The following DPYSL2 variants were observed in gnomAD, a reference collection of about 807,000 sequenced individuals.
DPYSL2 encodes the protein dihydropyrimidinase-related protein 2.
In DPYSL2, 13 loss-of-function variants were observed where a neutral mutation model predicts 69.9. That is an observed-to-expected ratio of 0.19 (90% CI 0.12 to 0.30). DPYSL2 has a LOEUF of 0.30. DPYSL2 is among the 10% of genes least tolerant of loss of function. The probability of loss-of-function intolerance (pLI) is 1.00; values close to 1 mark genes in which losing one functional copy is unlikely to be tolerated. For synonymous variants in DPYSL2, 326 were observed against 359.1 expected, an observed-to-expected ratio of 0.91 and a Z score of 1.04; for missense variants, 587 against 918.9, an observed-to-expected ratio of 0.64 and a Z score of 4.67.
At chr8:26,566,513 G>A (rs568642393) in intron 1 of DPYSL2, among the ~76,000 whole-genome samples, 55 of 152,306 alleles carry the variant, frequency 3.6e-4, no homozygotes, top group Non-Finnish European at 6.0e-4. Context: ...ACTGAACAGA[G>A]TGTGGTTGAC....
intron 3 of DPYSL2, among the ~76,000 whole-genome samples, chr8:26,589,081 C>T (rs917587737): frequency 6.6e-6 from 1 of 152,092 alleles, no homozygotes; most frequent in Admixed American, 6.5e-5. Flanking sequence ...CCTTCAGTGA[C>T]TCCCTCTTGC....
In DPYSL2 at chr8:26,629,330, A is replaced by C. The variant is rs547876918; in HGVS notation, c.1005+1390A>C. Among the ~76,000 whole-genome samples the C allele has an allele frequency of 3.3e-5, 5 of 151,822 alleles. No individual in the cohort carries two copies. The East Asian group carries it at 9.6e-4, about 29-fold the overall frequency. Reference sequence around the variant, plus strand: ...CACCTACACACACACACATACACATAGACACACAGACACATACAGACACAG... The same window carrying C: ...CACCTACACACACACACATACACATCGACACACAGACACATACAGACACAG... On this transcript the variant is annotated intron_variant, in intron 7 of 13. Coordinates refer to ENST00000521913, the MANE Select transcript of DPYSL2 (RefSeq NM_001197293.3).
chr8:26,651,593 T>C (rs1480932214), intron 11 of DPYSL2, among the ~76,000 whole-genome samples: 1 of 152,176 alleles, frequency 6.6e-6, no homozygotes, highest in African/African-American at 2.4e-5. Context: ...TGTTGCTTCA[T>C]TACCAACCAC....
chr8:26,529,295 CT>C (rs34576361), intron 1 of DPYSL2, among the ~76,000 whole-genome samples: 56 of 146,314 alleles, frequency 3.8e-4, no homozygotes, highest in African/African-American at 1.2e-3. Flanking sequence ...ATCTATCTAT[CT>C]ATCTATCATC....
rs909070422 is a variant in DPYSL2, at chr8:26,610,348, G to A, written c.629-13795G>A. Among the ~76,000 whole-genome samples, 1 of 152,230 alleles carries A rather than the reference G, an allele frequency of 6.6e-6. No individual in the cohort carries two copies. The highest frequency in any genetic ancestry group is 1.5e-5 in the Non-Finnish European group (1 of 68,038). ...TGATAGGAAGGTTGTTTACATCACAGTGTCCTGTATTTGGGGGCTGCCCTG... is the reference window on the plus strand; with the variant it reads ...TGATAGGAAGGTTGTTTACATCACAATGTCCTGTATTTGGGGGCTGCCCTG... On this transcript the variant is annotated intron_variant, in intron 3 of 13. Coordinates refer to ENST00000521913, the MANE Select transcript of DPYSL2 (RefSeq NM_001197293.3). This position sits in a 1 kb window ranked among gnomAD's most constrained non-coding sequence, Gnocchi z 4.5.
intron 3 of DPYSL2, among the ~76,000 whole-genome samples, chr8:26,618,883 A>G (rs59800763): frequency 0.85 from 128,730 of 151,828 alleles, 54,728 homozygotes; most frequent in Non-Finnish European, 0.86. Flanking sequence ...GCTCGAACCC[A>G]GGAGGCGGAG....
intron 1 of DPYSL2, among the ~76,000 whole-genome samples, chr8:26,543,591 G>A (rs572235954): frequency 4.6e-5 from 7 of 151,920 alleles, no homozygotes; most frequent in African/African-American, 7.2e-5. Context: ...GGGTTCAAGC[G>A]ATTCTCCTGC....
rs778281952 is a variant in DPYSL2 at position 26,624,728 on chromosome 8, A to T, written c.793+421A>T. 1.8e-4 allele frequency among the ~76,000 whole-genome samples: 27 copies of T among 152,160 alleles called. No individual in the cohort carries two copies. The highest frequency in any genetic ancestry group is 3.1e-4 in the Non-Finnish European group (21 of 68,020). On this transcript the variant is annotated intron_variant, in intron 4 of 13. Transcript: ENST00000521913. This position sits in a 1 kb window ranked among gnomAD's most constrained non-coding sequence, Gnocchi z 4.7. ...GGGCAGCCCCTTCCTACAAACCTGG[A>T]TGGATCTAGGATAGATTTGAGGGCT... is the stretch of plus-strand genomic sequence containing the variant.
intron 1 of DPYSL2, among the ~76,000 whole-genome samples, chr8:26,553,667 T>C (rs1800902175): frequency 6.6e-6 from 1 of 152,162 alleles, no homozygotes. Context: ...CTATTTTGAA[T>C]AGTGCTGCAA....
rs148205571 is a variant in DPYSL2, at chr8:26,617,740, C to T, written c.629-6403C>T. 1.3e-3 allele frequency among the ~76,000 whole-genome samples: 203 copies of T among 152,250 alleles called. 3 individuals carry two copies. The highest frequency in any genetic ancestry group is 4.7e-3 in the African/African-American group (194 of 41,542). On this transcript the variant is annotated intron_variant, in intron 3 of 13. Transcript: ENST00000521913. The surrounding 1 kb of genome is among the most constrained non-coding windows in gnomAD (Gnocchi z 4.7). ...ATGATGCCAAGTGAAAGCAGACAGA[C>T]GCACAAGACTACATCTTTTATGATT...
chr8:26,589,877 C>G (rs1302040842), intron 3 of DPYSL2, among the ~76,000 whole-genome samples: 1 of 152,238 alleles, frequency 6.6e-6, no homozygotes, highest in Non-Finnish European at 1.5e-5. Context: ...ACCCAGCAGT[C>G]ATTCCCCCAG....
At position 26,597,887 on chromosome 8, in the gene DPYSL2, G is replaced by A. The variant is rs77586745; in HGVS notation, c.628+13904G>A. Among the ~76,000 whole-genome samples the A allele has an allele frequency of 0.014, 2,055 of 151,922 alleles. 26 individuals carry two copies. The highest frequency in any genetic ancestry group is 0.068 in the Middle Eastern group (20 of 292). On this transcript the variant is annotated intron_variant, in intron 3 of 13. Transcript: ENST00000521913. This position sits in a 1 kb window ranked among gnomAD's most constrained non-coding sequence, Gnocchi z 5.2. The stretch of plus-strand genomic sequence containing the variant: ...TTTTCTCCTTTATGGAGATAATCCA[G>A]GGAGAAACATGAAGTGTAATGGAAA...
At position 26,597,587 on chromosome 8, in the gene DPYSL2, G is replaced by T. The variant is rs1169409248; in HGVS notation, c.628+13604G>T. ...CCTCCCAGGTTCACGCCATTCTCCT[G>T]CCTCAGCCTCCCAAGTAGCTGGGAC... On this transcript the variant is annotated intron_variant, in intron 3 of 13. Coordinates refer to ENST00000521913, the MANE Select transcript of DPYSL2 (RefSeq NM_001197293.3). This position sits in a 1 kb window ranked among gnomAD's most constrained non-coding sequence, Gnocchi z 5.2. Among the ~76,000 whole-genome samples the T allele has an allele frequency of 6.6e-6, 1 of 151,980 alleles. No individual in the cohort carries two copies. Among genetic ancestry groups the T allele is most frequent in the South Asian group, 2.1e-4 (1 of 4,828 alleles).
rs1801570886 is a variant in DPYSL2 at position 26,585,096 on chromosome 8, A to T, written c.628+1113A>T. Among the ~76,000 whole-genome samples, 2 of 152,152 alleles carry T rather than the reference A, an allele frequency of 1.3e-5. No homozygotes were observed. The highest frequency in any genetic ancestry group is 4.1e-4 in the South Asian group (2 of 4,824). ...GGCAAGCTGCATAGTGGCCCGTCAG[A>T]TACATATTTTAAAAAACAGATTGCA... On this transcript the variant is annotated intron_variant, in intron 3 of 13. Coordinates refer to ENST00000521913, the MANE Select transcript of DPYSL2 (RefSeq NM_001197293.3). The surrounding 1 kb of genome is among the most constrained non-coding windows in gnomAD (Gnocchi z 4.0).
chr8:26,596,378 AG>A (rs1204913011), intron 3 of DPYSL2, among the ~76,000 whole-genome samples: 1 of 152,202 alleles, frequency 6.6e-6, no homozygotes, highest in African/African-American at 2.4e-5. Context: ...GGGCTGTCCT[AG>A]GCAAACCCAG....
At position 26,619,284 on chromosome 8, in the gene DPYSL2, A is replaced by G. The variant is rs1585550972; in HGVS notation, c.629-4859A>G. 2.0e-5 allele frequency among the ~76,000 whole-genome samples: 3 copies of G among 152,202 alleles called. No homozygotes were observed. The South Asian group carries it at 6.2e-4, about 31-fold the overall frequency. Reference sequence around the variant, plus strand: ...CTCTTCCCAGGAGAGCTTCAGTGGAAAGAAAACTGTGGGAAAACATTTGGA... The same window carrying G: ...CTCTTCCCAGGAGAGCTTCAGTGGAGAGAAAACTGTGGGAAAACATTTGGA... On this transcript the variant is annotated intron_variant, in intron 3 of 13. Transcript: ENST00000521913. The surrounding 1 kb of genome is among the most constrained non-coding windows in gnomAD (Gnocchi z 4.8).
Position 26,518,107 on chromosome 8 carries a change from C to T in DPYSL2, c.354+3428C>T, listed in dbSNP as rs147771432. ...ATTCCAATGATTAAAGCCATCTGCT[C>T]CTCAGGCAAACAACTGATGCCCAAG... On this transcript the variant is annotated intron_variant, in intron 1 of 13. Coordinates refer to ENST00000521913, the MANE Select transcript of DPYSL2 (RefSeq NM_001197293.3). Among the ~76,000 whole-genome samples the T allele has an allele frequency of 6.8e-3, 1,034 of 152,332 alleles. 7 individuals are homozygous for T. Among genetic ancestry groups the T allele is most frequent in the Non-Finnish European group, 0.011 (752 of 68,040 alleles).
At chr8:26,596,973 G>A (rs1191236993) in intron 3 of DPYSL2, among the ~76,000 whole-genome samples, 1 of 152,202 alleles carries the variant, frequency 6.6e-6, no homozygotes, top group Non-Finnish European at 1.5e-5. Context: ...AGAACAGAAA[G>A]ATTTTGGTGT....
chr8:26,584,468 A>G (rs448872), intron 3 of DPYSL2, among the ~76,000 whole-genome samples: 77,886 of 151,960 alleles, frequency 0.51, 21,082 homozygotes, highest in African/African-American at 0.69. Context: ...TCAAATGGAG[A>G]CGATACTCTC....
Sources: allele counts gnomAD v4.1 joint callset (sites outside exome capture counted in the v4.1 genomes callset), GRCh38; gene constraint gnomAD v4.1.1; non-coding constraint Gnocchi (gnomAD v3.1); transcripts MANE v1.5; gene names NCBI Gene and HGNC (gene_info 2026-07-23, HGNC 2026-07-21).